Variants in ITPK1 observed in about 807,000 individuals in gnomAD.
The protein encoded by ITPK1 is inositol-tetrakisphosphate 1-kinase.
Under a neutral mutation model 45.3 loss-of-function variants are expected in ITPK1, and 21 were observed. The observed-to-expected ratio is 0.46, with a 90% CI of 0.33 to 0.67. ITPK1 has a LOEUF of 0.67. Ranked by LOEUF, ITPK1 falls within the 30% of genes least tolerant of loss-of-function variation. ITPK1 has a pLI of 0.02. For missense variants in ITPK1, 474 were observed against 573.5 expected (o/e 0.83, Z 1.77); for synonymous variants, 258 against 253.6 (o/e 1.02, Z -0.16).
intron 2 of ITPK1, among the ~76,000 whole-genome samples, chr14:93,083,278 C>G (rs1891514512): frequency 6.6e-6 from 1 of 152,098 alleles, no homozygotes; most frequent in African/African-American, 2.4e-5. Context: ...CAGCAGGGCA[C>G]AAAAGGCTCA....
At chr14:93,044,899 T>TA (rs1889716096) in intron 3 of ITPK1, among the ~76,000 whole-genome samples, 1 of 152,152 alleles carries the variant, frequency 6.6e-6, no homozygotes, top group Non-Finnish European at 1.5e-5. Context: ...GTAAGGGCCT[T>TA]AAATGCCCTT....
At chr14:93,111,791 G>A (rs891611466) in intron 2 of ITPK1, among the ~76,000 whole-genome samples, 1 of 152,024 alleles carries the variant, frequency 6.6e-6, no homozygotes, top group Admixed American at 6.5e-5. Flanking sequence ...AAGGCAGGTG[G>A]GAGGGGTACA....
chr14:93,041,118 T>C (rs146184826), intron 3 of ITPK1, among the ~76,000 whole-genome samples: 10 of 152,280 alleles, frequency 6.6e-5, no homozygotes, highest in South Asian at 4.1e-4. Flanking sequence ...GATCAGTGAT[T>C]AGCCAGGCGC....
intron 3 of ITPK1, among the ~76,000 whole-genome samples, chr14:93,050,779 C>T (rs1566756577): frequency 6.6e-6 from 1 of 151,940 alleles, no homozygotes; most frequent in Non-Finnish European, 1.5e-5. Context: ...GCTGACCTAC[C>T]GAGACCTCCA....
intron 4 of ITPK1, among the ~76,000 whole-genome samples, chr14:93,015,783 C>T (rs976961598): frequency 2.6e-5 from 4 of 152,324 alleles, no homozygotes; most frequent in Non-Finnish European, 5.9e-5. Flanking sequence ...GGGGCCAAGG[C>T]GGCTGACCCC....
At chr14:92,953,246 C>T (rs986553598) in intron 8 of ITPK1, among the ~76,000 whole-genome samples, 12 of 152,352 alleles carry the variant, frequency 7.9e-5, no homozygotes, top group African/African-American at 2.2e-4. Context: ...GAGATGTACC[C>T]GGCGTCCCTC....
chr14:92,959,398 G>A (rs890840715), intron 7 of ITPK1, among the ~76,000 whole-genome samples: 6 of 152,240 alleles, frequency 3.9e-5, no homozygotes, highest in Non-Finnish European at 7.3e-5. Flanking sequence ...GTCACGGAGC[G>A]CCGGCCCTAC....
chr14:92,944,096 C>T (rs1887565981), intron 10 of ITPK1, among the ~76,000 whole-genome samples: 1 of 152,204 alleles, frequency 6.6e-6, no homozygotes, highest in Non-Finnish European at 1.5e-5. Flanking sequence ...CTCACGGTGT[C>T]ATCAGCGCTT....
chr14:93,045,107 T>A lies in ITPK1; in HGVS notation c.121-28306A>T, dbSNP rs371402376. The stretch of plus-strand genomic sequence containing the variant: ...CCTGAAATGGAAGTCTGTGCCTTAG[T>A]TCCAAGTCACCAGGCACTGGTTCCT... On this transcript the variant is annotated intron_variant, in intron 3 of 10. Transcript: ENST00000267615. 3.9e-5 allele frequency among the ~76,000 whole-genome samples: 6 copies of A among 152,358 alleles called. 1 individual carries two copies. Among genetic ancestry groups the A allele is most frequent in the Admixed American group, 3.3e-4 (5 of 15,308 alleles).
intron 8 of ITPK1, among the ~76,000 whole-genome samples, chr14:92,955,161 T>G (rs1257168726): frequency 1.3e-5 from 2 of 152,256 alleles, no homozygotes; most frequent in Non-Finnish European, 2.9e-5. Flanking sequence ...CCCGGCCACC[T>G]GCACTTGTAA....
chr14:93,115,764 A>T lies in ITPK1; in HGVS notation c.-143+8T>A, dbSNP rs1466096404. 1 of 148,728 alleles carries T rather than the reference A, an allele frequency of 6.7e-6. No homozygotes were observed. The highest frequency in any genetic ancestry group is 1.5e-5 in the Non-Finnish European group (1 of 66,596). The allele number at this position is 148,728 out of a possible 1,614,324, so 9.2% of individuals were successfully genotyped here. A position where few individuals can be genotyped will look rare whatever the true frequency, so the allele number is the denominator to read the frequency against. ...ACGCGGCCACTCGGCCCGGCCAGAGATCCTCACCCGCCGCCGCCGCCGCCA... is the reference window on the plus strand; with the variant it reads ...ACGCGGCCACTCGGCCCGGCCAGAGTTCCTCACCCGCCGCCGCCGCCGCCA... On this transcript the variant is annotated splice_region_variant and intron_variant, in intron 1 of 10. Transcript: ENST00000267615.
At chr14:93,013,050 C>T (rs1566734330) in intron 4 of ITPK1, among the ~76,000 whole-genome samples, 1 of 152,190 alleles carries the variant, frequency 6.6e-6, no homozygotes, top group Non-Finnish European at 1.5e-5. Context: ...GCCAGGAGGC[C>T]CCTAGTGTCC....
intron 3 of ITPK1, among the ~76,000 whole-genome samples, chr14:93,039,996 C>T (rs1236616829): frequency 2.0e-5 from 3 of 152,248 alleles, no homozygotes; most frequent in Admixed American, 1.3e-4. Context: ...AGAGCGCACA[C>T]GGGTGCTCCT....
At chr14:93,005,869 C>T (rs558924604) in intron 4 of ITPK1, among the ~76,000 whole-genome samples, 5 of 152,258 alleles carry the variant, frequency 3.3e-5, no homozygotes, top group East Asian at 1.9e-4. Flanking sequence ...ACAGGGAGGC[C>T]GTTTAACATG....
chr14:93,050,314 G>A (rs1317530723), intron 3 of ITPK1, among the ~76,000 whole-genome samples: 1 of 152,158 alleles, frequency 6.6e-6, no homozygotes, highest in African/African-American at 2.4e-5. Context: ...CGTGTGTGGG[G>A]TGAGAGGAGG....
At chr14:93,022,324 G>A (rs529699138) in intron 3 of ITPK1, among the ~76,000 whole-genome samples, 2 of 152,304 alleles carry the variant, frequency 1.3e-5, no homozygotes, top group African/African-American at 4.8e-5. Flanking sequence ...GACACAGAGA[G>A]CATGTGTGAA....
intron 4 of ITPK1, among the ~76,000 whole-genome samples, chr14:93,003,781 G>A (rs4905030): frequency 0.25 from 38,252 of 152,144 alleles, 5,271 homozygotes; most frequent in Admixed American, 0.35. Flanking sequence ...CTTAACCCGA[G>A]CGCGTGGGTC....
intron 4 of ITPK1, among the ~76,000 whole-genome samples, chr14:93,006,348 C>T (rs377337229): frequency 1.4e-4 from 21 of 152,324 alleles, no homozygotes; most frequent in East Asian, 1.2e-3. Flanking sequence ...ATAAGGGATT[C>T]AAAGCAACCA....
intron 3 of ITPK1, among the ~76,000 whole-genome samples, chr14:93,030,137 G>C (rs574530080): frequency 2.0e-5 from 3 of 152,364 alleles, no homozygotes; most frequent in Non-Finnish European, 2.9e-5. Context: ...CATGGGAACT[G>C]AGGGTGTGAG....
Sources: gnomAD v4.1 joint callset for allele counts (sites outside exome capture counted in the v4.1 genomes callset) on GRCh38, gnomAD v4.1.1 for gene constraint, MANE v1.5 for transcripts, NCBI Gene and HGNC (gene_info 2026-07-23, HGNC 2026-07-21) for gene names.